Variants in CEACAM18 observed in about 807,000 individuals in gnomAD.
The protein encoded by CEACAM18 is cell adhesion molecule CEACAM18.
CEACAM18 carries 33 observed loss-of-function variants against 34.3 expected under a neutral mutation model. That is an observed-to-expected ratio of 0.96 (90% CI 0.73 to 1.29). The LOEUF (loss-of-function observed/expected upper bound fraction) is 1.29. CEACAM18 is among the 50% of genes most tolerant of loss of function. CEACAM18 has a pLI of 0.00. For synonymous variants in CEACAM18, 169 were observed against 180.9 expected, an observed-to-expected ratio of 0.93 and a Z score of 0.53; for missense variants, 474 against 485.0, an observed-to-expected ratio of 0.98 and a Z score of 0.21.
At chr19:51,482,855 C>T (rs986035812) in intron 3 of CEACAM18, among the ~76,000 whole-genome samples, 162 bp from the exon 4 acceptor site, 5 of 152,182 alleles carry the variant, frequency 3.3e-5, no homozygotes, top group African/African-American at 1.2e-4. Flanking sequence ...ATAGAAGATG[C>T]TCTTATGGTT....
chr19:51,481,363 T>A, intron 2 of CEACAM18, 30 bp from the exon 3 acceptor site: 1 of 1,605,426 alleles, frequency 6.2e-7, no homozygotes, highest in Non-Finnish European at 8.5e-7. Context: ...ACCCCACTTG[T>A]AATTTTTTTC....
chr19:51,486,596 A>T (rs1435556770), intron 5 of CEACAM18, among the ~76,000 whole-genome samples: 2 of 151,664 alleles, frequency 1.3e-5, no homozygotes, highest in Non-Finnish European at 3.0e-5. Context: ...TTCACCTGAG[A>T]TCAACATGCC....
At chr19:51,489,425 A>G (rs1233277184) in intron 5 of CEACAM18, among the ~76,000 whole-genome samples, 1 of 151,832 alleles carries the variant, frequency 6.6e-6, no homozygotes, top group African/African-American at 2.4e-5. Flanking sequence ...TATTTTAATC[A>G]TGATTGGATC....
Position 51,490,495 on chromosome 19 carries a change from G to A in CEACAM18, c.1090-92G>A, listed in dbSNP as rs1990072721. 10 of 1,106,212 alleles carry A rather than the reference G, an allele frequency of 9.0e-6. 1 individual carries two copies. In the South Asian group the frequency reaches 4.7e-4, roughly 52 times the overall value. 68.5% of individuals were successfully genotyped at this position (1,106,212 alleles called of 1,614,324 possible). Reference sequence around the variant, plus strand: ...GAAGACTTAGGCTTGGACTTGGTGGGAAGTCGGGCCCCTTCACCTCTCTCT... The same window carrying A: ...GAAGACTTAGGCTTGGACTTGGTGGAAAGTCGGGCCCCTTCACCTCTCTCT... On this transcript the variant is annotated intron_variant, in intron 5 of 5. Transcript: ENST00000396477.
intron 3 of CEACAM18, 95 bp downstream of exon 3, chr19:51,481,760 G>C: frequency 7.8e-7 from 1 of 1,280,378 alleles, no homozygotes; most frequent in African/African-American, 1.5e-5. Flanking sequence ...TGGAGAGAGG[G>C]GGCATCCTGG....
At chr19:51,482,990 C>T in intron 3 of CEACAM18, 27 bp from the exon 4 acceptor site, 7 of 1,607,628 alleles carry the variant, frequency 4.4e-6, no homozygotes, top group South Asian at 1.1e-5. Context: ...AGAAACATAG[C>T]CTGGGCCTCC....
At chr19:51,481,595 A>G in exon 3 of CEACAM18, 1 of 1,613,978 alleles carries the variant, frequency 6.2e-7, no homozygotes, top group South Asian at 1.1e-5. Context: ...ATGACAGAAC[A>G]ATTCAGTGCA....
At chr19:51,484,030 T>A (rs950621355) in intron 4 of CEACAM18, among the ~76,000 whole-genome samples, 2 of 152,216 alleles carry the variant, frequency 1.3e-5, no homozygotes, top group African/African-American at 4.8e-5. Flanking sequence ...CCTATCTCCA[T>A]GAACCTGGGA....
At chr19:51,490,616 C>T in exon 6 of CEACAM18, 1 of 1,232,456 alleles carries the variant, frequency 8.1e-7, no homozygotes, top group Non-Finnish European at 1.0e-6. Flanking sequence ...GTGTCCACCC[C>T]AGACCTGAGG....
At chr19:51,480,568 A>G in exon 2 of CEACAM18, 2 of 1,614,010 alleles carry the variant, frequency 1.2e-6, no homozygotes, top group Non-Finnish European at 8.5e-7. Context: ...GAGTGAACAG[A>G]GAAGGCAGCC....
chr19:51,487,641 C>T (rs1990028327), intron 5 of CEACAM18, among the ~76,000 whole-genome samples: 1 of 152,034 alleles, frequency 6.6e-6, no homozygotes, highest in South Asian at 2.1e-4. Context: ...TGGCAGTCAC[C>T]TGTAATCCCA....
chr19:51,486,591 C>T (rs1990005089), intron 5 of CEACAM18, among the ~76,000 whole-genome samples: 1 of 151,520 alleles, frequency 6.6e-6, no homozygotes, highest in Non-Finnish European at 1.5e-5. Flanking sequence ...TCTCCTTCAC[C>T]TGAGATCAAC....
intron 4 of CEACAM18, among the ~76,000 whole-genome samples, chr19:51,484,492 T>G (rs1193191046): frequency 1.3e-5 from 2 of 152,140 alleles, no homozygotes; most frequent in African/African-American, 4.8e-5. Context: ...TTTGTATTTT[T>G]ACAAAATAGA....
intron 4 of CEACAM18, 83 bp downstream of exon 4, chr19:51,483,379 G>T (rs1193643395): frequency 5.3e-6 from 8 of 1,514,456 alleles, no homozygotes; most frequent in Non-Finnish European, 7.3e-6. Context: ...CCTCAGGAGT[G>T]CCACCTCCAC....
intron 5 of CEACAM18, among the ~76,000 whole-genome samples, chr19:51,486,629 G>C (rs1990005598): frequency 6.6e-6 from 1 of 152,068 alleles, no homozygotes; most frequent in South Asian, 2.1e-4. Flanking sequence ...AGTCCTCAAG[G>C]ACTCTCACAT....
At chr19:51,485,648 ACTGC>A (rs1224447214) in intron 5 of CEACAM18, among the ~76,000 whole-genome samples, 1 of 152,202 alleles carries the variant, frequency 6.6e-6, no homozygotes, top group African/African-American at 2.4e-5. Context: ...CGGAGCAACA[ACTGC>A]CTGAAGGGTG....
chr19:51,479,752 G>A (rs1416605004), intron 1 of CEACAM18, among the ~76,000 whole-genome samples: 3 of 152,192 alleles, frequency 2.0e-5, no homozygotes, highest in African/African-American at 4.8e-5. Context: ...GGGGAACAGC[G>A]TGTGCGAAGC....
intron 4 of CEACAM18, among the ~76,000 whole-genome samples, chr19:51,483,875 AG>A (rs1568524458): frequency 6.6e-6 from 1 of 152,160 alleles, no homozygotes; most frequent in Admixed American, 6.5e-5. Flanking sequence ...AAATGGGGAA[AG>A]CATCTTCTTA....
exon 3 of CEACAM18, chr19:51,481,508 T>C: frequency 6.2e-7 from 1 of 1,614,050 alleles, no homozygotes; most frequent in Non-Finnish European, 8.5e-7. Flanking sequence ...ATGTGAATGA[T>C]GTGCCTACCT....
Sources: gnomAD v4.1 joint callset for allele counts (sites outside exome capture counted in the v4.1 genomes callset) on GRCh38, gnomAD v4.1.1 for gene constraint, MANE v1.5 for transcripts, NCBI Gene and HGNC (gene_info 2026-07-23, HGNC 2026-07-21) for gene names.